Variants in MYB observed in about 807,000 individuals in gnomAD.
MYB encodes the protein MYB proto-oncogene, transcription factor, also known as transcriptional activator Myb.
A neutral mutation model predicts 92.9 loss-of-function variants in MYB; 28 were observed. That is an observed-to-expected ratio of 0.30 (90% CI 0.22 to 0.41). The LOEUF (loss-of-function observed/expected upper bound fraction) is 0.41, where lower values mean the gene tolerates loss of function less well. Ranked by LOEUF, MYB falls within the 10% of genes least tolerant of loss-of-function variation. The pLI is 1.00. For missense variants in MYB, 679 were observed against 929.3 expected (o/e 0.73, Z 3.50); for synonymous variants, 295 against 329.1 (o/e 0.90, Z 1.12).
At chr6:135,203,904 G>C in intron 15 of MYB, 2 of 1,153,322 alleles carry the variant, frequency 1.7e-6, no homozygotes, top group Non-Finnish European at 1.1e-6. Context: ...CCCTAAAGTG[G>C]GTGTGTGTTG....
chr6:135,187,426 A>T (rs1004113404), intron 2 of MYB, among the ~76,000 whole-genome samples: 2 of 152,324 alleles, frequency 1.3e-5, no homozygotes, highest in African/African-American at 4.8e-5. Flanking sequence ...TAAAGCAGTT[A>T]TTTATAATAA....
rs143206382 is a variant in MYB, at chr6:135,196,856, A to G, written c.1204-105A>G. The G allele has an allele frequency of 1.1e-3, 1,706 of 1,588,076 alleles. 12 individuals are homozygous for G. In the African/African-American group the frequency reaches 0.013, roughly 12 times the overall value. On this transcript the variant is annotated intron_variant, in intron 9 of 15. Coordinates refer to ENST00000341911, the MANE Select transcript of MYB (RefSeq NM_001130173.2). The stretch of plus-strand genomic sequence containing the variant: ...AGCTGTTGCTCAAGAAGCCAAACCA[A>G]CGGGCCTAGTGTTTGCTTTGCGTTG...
chr6:135,188,603 AG>A (rs1776250903), intron 3 of MYB, among the ~76,000 whole-genome samples: 4 of 148,524 alleles, frequency 2.7e-5, no homozygotes, highest in Admixed American at 2.1e-4. Context: ...TCCGCCTCCC[AG>A]GTTCAAGCGA....
At chr6:135,188,362 A>G (rs1337826244) in intron 3 of MYB, among the ~76,000 whole-genome samples, 1 of 152,124 alleles carries the variant, frequency 6.6e-6, no homozygotes, top group Non-Finnish European at 1.5e-5. Context: ...GGACCCTGGA[A>G]TTCCTTTATA....
intron 15 of MYB, among the ~76,000 whole-genome samples, chr6:135,208,596 G>A (rs937369929): frequency 1.0e-4 from 15 of 149,358 alleles, no homozygotes; most frequent in African/African-American, 3.5e-4. Flanking sequence ...GCCCAGCCTG[G>A]CCTCAAACTC....
intron 10 of MYB, among the ~76,000 whole-genome samples, chr6:135,197,708 C>T (rs1777524993): frequency 6.6e-6 from 1 of 152,114 alleles, no homozygotes; most frequent in African/African-American, 2.4e-5. Context: ...GATTCACTGA[C>T]CCAGGGGAGG....
rs114577782 is a variant in MYB at position 135,194,427 on chromosome 6, C to G, written c.915C>G (p.Thr305=). Residue 305 remains threonine (T), a synonymous_variant, in exon 8 of 16, where the codon ACC becomes ACG. Transcript: ENST00000341911. ...AATTAGAATTGCTCCTAATGTCAAC[C>G]GAGAATGAGCTAAAAGGACAGCAGG... ...IKELELLLMS[T]ENELKGQQVL... is the part of the protein sequence containing the mutation. 1 of 1,613,770 alleles carries G rather than the reference C, an allele frequency of 6.2e-7. No homozygotes were observed. Among genetic ancestry groups the G allele is most frequent in the South Asian group, 1.1e-5 (1 of 91,054 alleles).
chr6:135,197,750 G>A (rs1249287781), intron 10 of MYB, among the ~76,000 whole-genome samples: 1 of 152,110 alleles, frequency 6.6e-6, no homozygotes, highest in Non-Finnish European at 1.5e-5. Flanking sequence ...ATAACATTTG[G>A]GTTGCAACTA....
chr6:135,200,252 G>T, intron 12 of MYB, 38 bp from the exon 13 acceptor site: 1 of 1,613,856 alleles, frequency 6.2e-7, no homozygotes, highest in Non-Finnish European at 8.5e-7. Flanking sequence ...CCCATTAGGA[G>T]TTCTCTCTGA....
Position 135,197,057 on chromosome 6 carries a change from CA to C in MYB, c.1301del (p.Gln434ArgfsTer18). ...TCACACAGGCAAAGCCCTACAGCTT[CA>C]GCAAAGAGAGGGCAATGGGACTAAA... ...QHHTGKALQL[Q>X]QREGNGTKPA... On this transcript the variant is annotated frameshift_variant, in exon 10 of 16. Transcript: ENST00000341911. LOFTEE classifies it high-confidence loss of function. 1.2e-6 allele frequency: 2 copies of C among 1,614,026 alleles called. No individual in the cohort carries two copies. The highest frequency in any genetic ancestry group is 1.7e-6 in the Non-Finnish European group (2 of 1,179,896).
intron 13 of MYB, 110 bp from the exon 14 acceptor site, chr6:135,201,527 AGC>A: frequency 3.4e-6 from 2 of 584,934 alleles, no homozygotes; most frequent in Middle Eastern, 3.0e-4. Context: ...AGTGTAAGTT[AGC>A]AACATAGTTT....
chr6:135,203,631 T>C (rs1778451608), intron 15 of MYB: 2 of 1,072,646 alleles, frequency 1.9e-6, no homozygotes, highest in Non-Finnish European at 2.7e-6. Flanking sequence ...CACTATCTTC[T>C]TCTGCCCTCA....
intron 13 of MYB, chr6:135,200,714 T>G (rs1320413547): frequency 2.9e-6 from 1 of 346,438 alleles, no homozygotes; most frequent in African/African-American, 2.1e-5. Flanking sequence ...TTATATAAAG[T>G]TGATATTTCA....
intron 15 of MYB, among the ~76,000 whole-genome samples, chr6:135,215,340 C>T (rs1401108145): frequency 6.6e-6 from 1 of 152,194 alleles, no homozygotes; most frequent in Admixed American, 6.5e-5. Context: ...CACAACTTCC[C>T]AGGTTCCTTT....
chr6:135,194,711 TTCAGAAGGACTATAA>T, intron 8 of MYB: 1 of 571,112 alleles, frequency 1.8e-6, no homozygotes, highest in Non-Finnish European at 3.0e-6. Flanking sequence ...AATTTTTTTC[TTCAGAAGGACTATAA>T]TCAGTTTAAA....
chr6:135,216,991 A>G (rs1780540329), intron 15 of MYB, among the ~76,000 whole-genome samples: 1 of 152,198 alleles, frequency 6.6e-6, no homozygotes, highest in Non-Finnish European at 1.5e-5. Context: ...TTAATGAAAT[A>G]ATGCATGTGA....
At position 135,218,081 on chromosome 6, in the gene MYB, A is replaced by G; in HGVS notation, c.*101A>G. ...CTTTTCATGAATGGGAGAAGAACCT[A>G]TTTTTGTTGTGGTACAACAGTTGAG... is the stretch of plus-strand genomic sequence containing the variant. On this transcript the variant is annotated 3_prime_UTR_variant, in exon 16 of 16. Coordinates refer to ENST00000341911, the MANE Select transcript of MYB (RefSeq NM_001130173.2). 1 of 939,930 alleles carries G rather than the reference A, an allele frequency of 1.1e-6. No individual in the cohort carries two copies. The highest frequency in any genetic ancestry group is 2.4e-5 in the East Asian group (1 of 40,988). The allele number at this position is 939,930 out of a possible 1,614,324, so 58.2% of individuals were successfully genotyped here.
chr6:135,192,733 G>A (rs1776774935), intron 6 of MYB, among the ~76,000 whole-genome samples, 175 bp downstream of exon 6: 1 of 152,132 alleles, frequency 6.6e-6, no homozygotes, highest in African/African-American at 2.4e-5. Flanking sequence ...GTTACCCCTG[G>A]TTTATGTCTC....
chr6:135,192,207 G>A, intron 5 of MYB, 117 bp from the exon 6 acceptor site: 2 of 790,726 alleles, frequency 2.5e-6, no homozygotes, highest in Non-Finnish European at 4.2e-6. Context: ...ATTAAAAAGA[G>A]AAAACAACTA....
Sources: gnomAD v4.1 joint callset for allele counts (sites outside exome capture counted in the v4.1 genomes callset) on GRCh38, gnomAD v4.1.1 for gene constraint, MANE v1.5 for transcripts, NCBI Gene and HGNC (gene_info 2026-07-23, HGNC 2026-07-21) for gene names.